ZNF486: variants seen among roughly 807,000 people sequenced by gnomAD.
ZNF486 encodes KRAB box only protein 2.
A neutral mutation model predicts 12.8 loss-of-function variants in ZNF486; 12 were observed. That is an observed-to-expected ratio of 0.94 (90% confidence interval 0.60 to 1.52). The LOEUF is 1.52. ZNF486 is among the 40% of genes most tolerant of loss of function. The pLI is 0.00. For missense variants in ZNF486, 738 were observed against 545.0 expected (o/e 1.35, Z -3.53); for synonymous variants, 231 against 184.9 (o/e 1.25, Z -2.02).
At chr19:20,192,403 T>C (rs1350863252) in intron 3 of ZNF486, among the ~76,000 whole-genome samples, 3 of 151,974 alleles carry the variant, frequency 2.0e-5, no homozygotes, top group Non-Finnish European at 2.9e-5. Context: ...CCTCCCAAGT[T>C]CAAGTGATTC....
At chr19:20,188,391 A>G in intron 3 of ZNF486, 1 of 398,488 alleles carries the variant, frequency 2.5e-6, no homozygotes, top group Non-Finnish European at 4.4e-6. Flanking sequence ...TCAAGTGTAC[A>G]TTTTCAGGGC....
In ZNF486 at chr19:20,198,002, A is replaced by T. The variant is rs373974754; in HGVS notation, c.1292A>T (p.Glu431Val). 49 of 1,613,632 alleles carry T rather than the reference A, an allele frequency of 3.0e-5. No individual in the cohort carries two copies. Among genetic ancestry groups the T allele is most frequent in the Admixed American group, 1.2e-4 (7 of 59,914 alleles). The change falls in exon 4 of 4, where the codon GAG (glutamate) becomes GTG (valine). Residue 431 changes from glutamate (E) to valine (V), a missense_variant. By Grantham distance (121) the Glu-to-Val change is moderately radical. Coordinates refer to ENST00000335117, the MANE Select transcript of ZNF486 (RefSeq NM_052852.4). Reference sequence around the variant, plus strand: ...GAACATAAGACAACTCATACTGGAGAGAAACCTTACAAATGTAAAGAATGT... The same window carrying T: ...GAACATAAGACAACTCATACTGGAGTGAAACCTTACAAATGTAAAGAATGT... ...LTEHKTTHTG[E>V]KPYKCKECGK...
Position 20,198,405 on chromosome 19 carries a change from C to CA in ZNF486, c.*306dup. On this transcript the variant is annotated 3_prime_UTR_variant, in exon 4 of 4. Transcript: ENST00000335117. Reference sequence around the variant, plus strand: ...GGCATGAGCCACTGTGCCTGGCTGACAAAGCTTTTTAAGGAAGTTCTCAAC... The same window carrying CA: ...GGCATGAGCCACTGTGCCTGGCTGACAAAAGCTTTTTAAGGAAGTTCTCAAC... 1 of 305,972 alleles carries CA rather than the reference C, an allele frequency of 3.3e-6. No individual in the cohort carries two copies. Among genetic ancestry groups the CA allele is most frequent in the Non-Finnish European group, 6.1e-6 (1 of 164,056 alleles). The allele number at this position is 305,972 out of a possible 1,614,324, so 19.0% of individuals were successfully genotyped here. A position where few individuals can be genotyped will look rare whatever the true frequency, so the allele number is the denominator to read the frequency against.
intron 1 of ZNF486, among the ~76,000 whole-genome samples, chr19:20,171,701 C>T (rs1413250545): frequency 6.6e-6 from 1 of 152,194 alleles, no homozygotes; most frequent in Non-Finnish European, 1.5e-5. Context: ...TCTCTCCCAC[C>T]CAGGAATTAT....
At chr19:20,189,714 T>C (rs1461169225) in intron 3 of ZNF486, among the ~76,000 whole-genome samples, 1 of 152,232 alleles carries the variant, frequency 6.6e-6, no homozygotes, top group African/African-American at 2.4e-5. Context: ...TTTTTATTTA[T>C]TTTGAACATT....
chr19:20,182,620 A>C (rs1555715752), intron 1 of ZNF486, among the ~76,000 whole-genome samples: 1 of 152,212 alleles, frequency 6.6e-6, no homozygotes, highest in East Asian at 1.9e-4. Flanking sequence ...AGTGTGGTGC[A>C]TAATTCCATT....
intron 1 of ZNF486, chr19:20,176,990 G>A (rs1259818334): frequency 6.6e-6 from 1 of 152,220 alleles, no homozygotes; most frequent in African/African-American, 2.4e-5. Context: ...AACTGAGGTT[G>A]AAACACTGCT....
At position 20,184,424 on chromosome 19, in the gene ZNF486, A is replaced by G; in HGVS notation, c.99A>G (p.Ala33=). The change falls in exon 2 of 4, where the codon GCA becomes GCG. Residue 33 remains alanine, a synonymous_variant. Transcript: ENST00000335117. The stretch of plus-strand genomic sequence containing the variant: ...AGGAGTGGCATTGCCTGGACACTGC[A>G]CAGCAGAATTTATATAGGGATGTGA... ...SLEEWHCLDT[A]QQNLYRDVML... 1 of 1,613,712 alleles carries G rather than the reference A, an allele frequency of 6.2e-7. No individual in the cohort carries two copies. Among genetic ancestry groups the G allele is most frequent in the Middle Eastern group, 1.7e-4 (1 of 6,054 alleles).
chr19:20,192,800 A>G (rs188377577), intron 3 of ZNF486, among the ~76,000 whole-genome samples: 67 of 152,344 alleles, frequency 4.4e-4, no homozygotes, highest in Non-Finnish European at 2.6e-4. Flanking sequence ...CATGTTGCCC[A>G]GGCTGGTCTT....
intron 1 of ZNF486, among the ~76,000 whole-genome samples, chr19:20,170,057 A>C (rs1187327470): frequency 6.6e-6 from 1 of 150,900 alleles, no homozygotes; most frequent in South Asian, 2.1e-4. Context: ...CGCCCGGCTA[A>C]TTTTTTTGTA....
At chr19:20,187,832 G>T (rs1375557780) in intron 3 of ZNF486, among the ~76,000 whole-genome samples, 1 of 152,044 alleles carries the variant, frequency 6.6e-6, no homozygotes, top group East Asian at 1.9e-4. Flanking sequence ...ATTTTAGAAG[G>T]TAAAGATCTT....
At chr19:20,185,922 C>T (rs1039770608) in intron 2 of ZNF486, 65 bp from the exon 3 acceptor site, 2 of 966,920 alleles carry the variant, frequency 2.1e-6, no homozygotes, top group Non-Finnish European at 2.9e-6. Flanking sequence ...TTCTGCTGAG[C>T]ACATTACTAG....
intron 3 of ZNF486, among the ~76,000 whole-genome samples, chr19:20,191,736 C>T (rs747654723): frequency 6.6e-6 from 1 of 152,098 alleles, no homozygotes; most frequent in Non-Finnish European, 1.5e-5. Context: ...CGCCACTGTA[C>T]TCCAGCCTGG....
intron 2 of ZNF486, among the ~76,000 whole-genome samples, chr19:20,184,819 C>A (rs2089824812): frequency 6.6e-6 from 1 of 152,166 alleles, no homozygotes; most frequent in Non-Finnish European, 1.5e-5. Context: ...ATTTAAAAAG[C>A]CTTCATGCAG....
chr19:20,197,679 G>A lies in ZNF486; in HGVS notation c.969G>A (p.Thr323=), dbSNP rs181719180. 1.7e-4 allele frequency: 270 copies of A among 1,612,628 alleles called. 3 individuals are homozygous for A. The South Asian group carries it at 2.4e-3, about 14-fold the overall frequency. Residue 323 remains threonine, a synonymous_variant, in exon 4 of 4, where the codon ACG becomes ACA. Transcript: ENST00000335117. ...KKIHTGEKPY[T]CDKCGKAFIS... ...TTCATACTGGAGAGAAACCGTACAC[G>A]TGTGATAAATGTGGCAAAGCCTTTA...
rs540806106 is a variant in ZNF486, at chr19:20,176,418, G to A, written c.31-7938G>A. 229 of 200,784 alleles carry A rather than the reference G, an allele frequency of 1.1e-3. 1 individual carries two copies. The highest frequency in any genetic ancestry group is 5.1e-3 in the African/African-American group (214 of 41,928). 12.4% of individuals were successfully genotyped at this position (200,784 alleles called of 1,614,324 possible). A position where few individuals can be genotyped will look rare whatever the true frequency, so the allele number is the denominator to read the frequency against. On this transcript the variant is annotated intron_variant, in intron 1 of 3. Coordinates refer to ENST00000335117, the MANE Select transcript of ZNF486 (RefSeq NM_052852.4). Reference sequence around the variant, plus strand: ...CAGAGACGCTCCTCACTTCCCAGACGGGGTGGCGGCCGGGCAGAGGCTGCA... The same window carrying A: ...CAGAGACGCTCCTCACTTCCCAGACAGGGTGGCGGCCGGGCAGAGGCTGCA...
Position 20,198,207 on chromosome 19 carries a change from T to A in ZNF486, c.*105T>A, listed in dbSNP as rs548801129. 1.2e-4 allele frequency: 113 copies of A among 967,690 alleles called. 2 individuals are homozygous for A. Among genetic ancestry groups the A allele is most frequent in the Middle Eastern group, 3.1e-4 (1 of 3,246 alleles). The allele number at this position is 967,690 out of a possible 1,614,324, so 59.9% of individuals were successfully genotyped here. On this transcript the variant is annotated 3_prime_UTR_variant, in exon 4 of 4. Transcript: ENST00000335117. ...TTTTGGCTCACCACAACCTCCACCT[T>A]CTGGGTTCAAGTAACTCTCCTTAGT... is the stretch of plus-strand genomic sequence containing the variant.
rs540222915 is a variant in ZNF486, at chr19:20,190,020, T to G, written c.253+3938T>G. ...TAACCCAATTTTATTTTATCAGTGT[T>G]GATATTCAGTTTTCAACATCATTTT... On this transcript the variant is annotated intron_variant, in intron 3 of 3. Transcript: ENST00000335117. Among the ~76,000 whole-genome samples, 15 of 152,360 alleles carry G rather than the reference T, an allele frequency of 9.8e-5. No individual in the cohort carries two copies. In the East Asian group the frequency reaches 2.7e-3, roughly 27 times the overall value.
chr19:20,186,845 G>A (rs1324039012), intron 3 of ZNF486, among the ~76,000 whole-genome samples: 2 of 145,712 alleles, frequency 1.4e-5, no homozygotes, highest in Non-Finnish European at 3.0e-5. Context: ...GTGCAGTGGT[G>A]TGATCTTGGT....
Sources: allele counts gnomAD v4.1 joint callset (sites outside exome capture counted in the v4.1 genomes callset), GRCh38; gene constraint gnomAD v4.1.1; transcripts MANE v1.5; gene names NCBI Gene and HGNC (gene_info 2026-07-23, HGNC 2026-07-21).